GCSAML: variants seen among roughly 807,000 people sequenced by gnomAD.
GCSAML encodes germinal center associated signaling and motility like.
A neutral mutation model predicts 13.0 loss-of-function variants in GCSAML; 9 were observed. The observed-to-expected ratio is 0.69, with a 90% CI of 0.42 to 1.21. The LOEUF (loss-of-function observed/expected upper bound fraction) is 1.21, where lower values mean the gene tolerates loss of function less well. Among genes scored for constraint, GCSAML ranks in the 50% most tolerant of loss-of-function variants. GCSAML has a pLI of 0.00. For missense variants in GCSAML, 143 were observed against 153.4 expected (o/e 0.93, Z 0.36); for synonymous variants, 37 against 52.9 (o/e 0.70, Z 1.31).
chr1:247,545,153 C>A (rs1306434658), upstream of GCSAML, among the ~76,000 whole-genome samples: 1 of 152,150 alleles, frequency 6.6e-6, no homozygotes, highest in Non-Finnish European at 1.5e-5. Context: ...CTACCCTGTA[C>A]TTAGGTAAGG....
chr1:247,577,324 T>G lies in GCSAML; in HGVS notation c.*2942T>G, dbSNP rs1668873532. The stretch of plus-strand genomic sequence containing the variant: ...GTATTCACCCATGTAGTCACCTCCT[T>G]ATGAAGAGACAGAACACGTACATCC... On this transcript the variant is annotated 3_prime_UTR_variant, in exon 5 of 5. Coordinates refer to ENST00000366488, the MANE Select transcript of GCSAML (RefSeq NM_145278.5). The G allele has an allele frequency of 1.3e-5, 2 of 152,194 alleles. No homozygotes were observed. The highest frequency in any genetic ancestry group is 4.1e-4 in the South Asian group (2 of 4,828). The allele number at this position is 152,194 out of a possible 1,614,324, so 9.4% of individuals were successfully genotyped here.
chr1:247,523,443 G>A (rs1234596702), intron 1 of GCSAML, among the ~76,000 whole-genome samples: 2 of 152,084 alleles, frequency 1.3e-5, no homozygotes, highest in Non-Finnish European at 2.9e-5. Flanking sequence ...AAGACAACAG[G>A]GTTCAGAGAG....
chr1:247,562,541 G>A (rs1668170164), intron 2 of GCSAML, among the ~76,000 whole-genome samples: 1 of 152,172 alleles, frequency 6.6e-6, no homozygotes, highest in South Asian at 2.1e-4. Context: ...TCCAGGCAGT[G>A]ATTGTGGCAT....
chr1:247,572,870 A>G (rs918177764), intron 4 of GCSAML, among the ~76,000 whole-genome samples: 1 of 152,210 alleles, frequency 6.6e-6, no homozygotes, highest in African/African-American at 2.4e-5. Flanking sequence ...TGCCCTGCAC[A>G]GAGAGGAGAA....
chr1:247,529,924 T>C (rs13375085), intron 2 of GCSAML: 12 of 152,100 alleles, frequency 7.9e-5, no homozygotes, highest in African/African-American at 2.9e-4. Flanking sequence ...CTGTCAAAAT[T>C]TACAGCCTGC....
intron 4 of GCSAML, among the ~76,000 whole-genome samples, chr1:247,573,853 C>T (rs1207587308): frequency 6.6e-6 from 1 of 152,146 alleles, no homozygotes; most frequent in East Asian, 1.9e-4. Context: ...TTTGTTTCCT[C>T]TCTTATTTCC....
chr1:247,514,240 A>C (rs1666140182), intron 1 of GCSAML, among the ~76,000 whole-genome samples: 1 of 152,158 alleles, frequency 6.6e-6, no homozygotes, highest in Non-Finnish European at 1.5e-5. Flanking sequence ...TGGCCTCCCA[A>C]AGTGCTGGGA....
intron 1 of GCSAML, among the ~76,000 whole-genome samples, chr1:247,516,832 G>A (rs1666228610): frequency 6.6e-6 from 1 of 152,064 alleles, no homozygotes; most frequent in Non-Finnish European, 1.5e-5. Flanking sequence ...ACATTTAATT[G>A]TTGACATACA....
intron 2 of GCSAML, among the ~76,000 whole-genome samples, chr1:247,540,165 G>A (rs192005877): frequency 1.3e-5 from 2 of 152,268 alleles, no homozygotes; most frequent in East Asian, 1.9e-4. Flanking sequence ...TCTGCCTCCC[G>A]GGATTACAGG....
intron 4 of GCSAML, among the ~76,000 whole-genome samples, chr1:247,571,564 G>T (rs191149017): frequency 6.6e-6 from 1 of 152,312 alleles, no homozygotes; most frequent in East Asian, 1.9e-4. Context: ...TCTGCAGAGA[G>T]ATCCGCCATT....
chr1:247,513,448 TG>T, intron 1 of GCSAML, among the ~76,000 whole-genome samples: 1 of 152,338 alleles, frequency 6.6e-6, no homozygotes, highest in Non-Finnish European at 1.5e-5. Context: ...CTGGGTTCCA[TG>T]GGAGTCAGAT....
At chr1:247,537,604 A>G (rs1919856) in intron 2 of GCSAML, among the ~76,000 whole-genome samples, 8,739 of 152,284 alleles carry the variant, frequency 0.057, 353 homozygotes, top group Middle Eastern at 0.13. Context: ...CATTTCTACA[A>G]GCAATTTGTG....
chr1:247,518,201 C>T (rs968800667), intron 1 of GCSAML, among the ~76,000 whole-genome samples: 4 of 152,238 alleles, frequency 2.6e-5, no homozygotes, highest in Non-Finnish European at 5.9e-5. Context: ...CGGGAGCTGC[C>T]ATTCCGCCCT....
chr1:247,547,403 C>A (rs1434552028), upstream of GCSAML, among the ~76,000 whole-genome samples: 1 of 152,112 alleles, frequency 6.6e-6, no homozygotes, highest in Non-Finnish European at 1.5e-5. Flanking sequence ...TAGGATGGGA[C>A]AGAATGGGAG....
chr1:247,534,091 T>C (rs999284735), intron 2 of GCSAML, among the ~76,000 whole-genome samples: 1 of 152,184 alleles, frequency 6.6e-6, no homozygotes, highest in African/African-American at 2.4e-5. Context: ...CTGTGTTATA[T>C]AATATTGAAA....
At chr1:247,514,393 A>C (rs937604548) in intron 1 of GCSAML, among the ~76,000 whole-genome samples, 4 of 152,104 alleles carry the variant, frequency 2.6e-5, no homozygotes, top group African/African-American at 7.2e-5. Flanking sequence ...GGATGTATAG[A>C]TTGTGAAGAT....
Position 247,575,793 on chromosome 1 carries a change from C to T in GCSAML, c.*1411C>T, listed in dbSNP as rs1355522031. The T allele has an allele frequency of 2.0e-5, 3 of 152,144 alleles. No individual in the cohort carries two copies. Among genetic ancestry groups the T allele is most frequent in the East Asian group, 1.9e-4 (1 of 5,194 alleles). 9.4% of individuals were successfully genotyped at this position (152,144 alleles called of 1,614,324 possible). Reference sequence around the variant, plus strand: ...TTAACCTGTGACTAGTTATCTCTACCGAAGGTGGATGTGTAGTTTCTGGTT... The same window carrying T: ...TTAACCTGTGACTAGTTATCTCTACTGAAGGTGGATGTGTAGTTTCTGGTT... On this transcript the variant is annotated 3_prime_UTR_variant, in exon 5 of 5. Transcript: ENST00000366488.
In GCSAML at chr1:247,574,354, A is replaced by T; in HGVS notation, c.380A>T (p.His127Leu). Reference sequence around the variant, plus strand: ...AGGCCTTGTTCCTGCACCCATGAGCATGATTATGAAGTTGTGTTTCCACAC... The same window carrying T: ...AGGCCTTGTTCCTGCACCCATGAGCTTGATTATGAAGTTGTGTTTCCACAC... ...VSRPCSCTHEHDYEVVFPH is the reference protein window; with the variant it reads ...VSRPCSCTHELDYEVVFPH The change falls in exon 5 of 5, where the codon CAT becomes CTT. Residue 127 changes from histidine to leucine, a missense_variant. His to Leu is a moderately conservative substitution (Grantham distance 99, BLOSUM62 -3). Transcript: ENST00000366488. The T allele has an allele frequency of 6.2e-7, 1 of 1,614,098 alleles. No individual in the cohort carries two copies.
intron 4 of GCSAML, among the ~76,000 whole-genome samples, chr1:247,571,787 AGT>A (rs1366386907): frequency 1.3e-5 from 2 of 152,184 alleles, no homozygotes; most frequent in East Asian, 3.8e-4. Flanking sequence ...AATATCCTGA[AGT>A]GTGTTTTCCA....
Sources: allele counts gnomAD v4.1 joint callset (sites outside exome capture counted in the v4.1 genomes callset), GRCh38; gene constraint gnomAD v4.1.1; transcripts MANE v1.5; gene names NCBI Gene and HGNC (gene_info 2026-07-23, HGNC 2026-07-21).